KANK3: variants seen among roughly 807,000 people sequenced by gnomAD.
The protein encoded by KANK3 is KN motif and ankyrin repeat domains 3, also known as KN motif and ankyrin repeat domain-containing protein 3.
KANK3 carries 61 observed loss-of-function variants against 65.4 expected under a neutral mutation model. The ratio of observed to expected loss-of-function variants is 0.93; its 90% CI spans 0.76 to 1.15. The LOEUF is 1.15. KANK3 is among the 50% of genes most tolerant of loss of function. KANK3 has a pLI of 0.00. For synonymous variants in KANK3, 586 were observed against 543.3 expected, an observed-to-expected ratio of 1.08 and a Z score of -1.09; for missense variants, 1,187 against 1,178.8, an observed-to-expected ratio of 1.01 and a Z score of -0.10.
Position 8,333,726 on chromosome 19 carries a change from C to T in KANK3, c.1717G>A (p.Gly573Ser), listed in dbSNP as rs1242551531. ...LSRPRGVASD[G>S]GAVRLVAQEW... ...TGCTGCGCTCCCGGGGCACTCACGCCGTCGCTGGCTACTCCGCGGGGCCGG... is the reference window on the plus strand; with the variant it reads ...TGCTGCGCTCCCGGGGCACTCACGCTGTCGCTGGCTACTCCGCGGGGCCGG... The change falls in exon 6 of 11, where the codon GGC becomes AGC. Residue 573 changes from glycine to serine, a missense_variant and splice_region_variant. Transcript: ENST00000330915. The surrounding 1 kb of genome is among the most constrained non-coding windows in gnomAD (Gnocchi z 5.0). 11 of 1,454,684 alleles carry T rather than the reference C, an allele frequency of 7.6e-6. No homozygotes were observed. The highest frequency in any genetic ancestry group is 9.1e-7 in the Non-Finnish European group (1 of 1,101,272). The allele number at this position is 1,454,684 out of a possible 1,614,324, so 90.1% of individuals were successfully genotyped here.
At chr19:8,329,722 G>A (rs1970492894) in intron 7 of KANK3, among the ~76,000 whole-genome samples, 1 of 152,138 alleles carries the variant, frequency 6.6e-6, no homozygotes, top group South Asian at 2.1e-4. Context: ...GGCACCTGCA[G>A]ACCAGATTCC....
At position 8,333,249 on chromosome 19, in the gene KANK3, A is replaced by G. The variant is rs200901477; in HGVS notation, c.1720-19T>C. On this transcript the variant is annotated intron_variant, in intron 6 of 10. Coordinates refer to ENST00000330915, the MANE Select transcript of KANK3 (RefSeq NM_198471.3). This position sits in a 1 kb window ranked among gnomAD's most constrained non-coding sequence, Gnocchi z 5.0. ...CTGCGCCCTGCAAGGGACAGGGGCC[A>G]AGATAACATCGGCGATGGTCCACGG... is the stretch of plus-strand genomic sequence containing the variant. 438 of 1,590,330 alleles carry G rather than the reference A, an allele frequency of 2.8e-4. 2 individuals carry two copies. In the East Asian group the frequency reaches 9.7e-3, roughly 35 times the overall value.
chr19:8,324,753 AG>A lies in KANK3; in HGVS notation c.2159del (p.Ala720ValfsTer3). 1 of 1,614,052 alleles carries A rather than the reference AG, an allele frequency of 6.2e-7. No individual in the cohort carries two copies. Among genetic ancestry groups the A allele is most frequent in the South Asian group, 1.1e-5 (1 of 91,090 alleles). On this transcript the variant is annotated frameshift_variant, in exon 9 of 11. Transcript: ENST00000330915. LOFTEE classifies it high-confidence loss of function. ...CATCCGCATCCTGCGCATTCACATCAGCCCCACACGCCAGTAGGGTTGCCAC... is the reference window on the plus strand; with the variant it reads ...CATCCGCATCCTGCGCATTCACATCACCCCACACGCCAGTAGGGTTGCCAC... ...DMVATLLACG[A>X]DVNAQDADGA...
intron 2 of KANK3, among the ~76,000 whole-genome samples, chr19:8,336,973 G>C (rs893453461): frequency 6.6e-6 from 1 of 152,018 alleles, no homozygotes; most frequent in Non-Finnish European, 1.5e-5. Flanking sequence ...AGGGCTACCT[G>C]GGGTGGCAGG....
chr19:8,333,331 G>T lies in KANK3; in HGVS notation c.1720-101C>A. On this transcript the variant is annotated intron_variant, in intron 6 of 10. Coordinates refer to ENST00000330915, the MANE Select transcript of KANK3 (RefSeq NM_198471.3). This position sits in a 1 kb window ranked among gnomAD's most constrained non-coding sequence, Gnocchi z 5.0. ...GGGACTGGGAAGAGACCCATTTGGCGTTTCCAGGCAAGTAAGGAAGGTCAC... is the reference window on the plus strand; with the variant it reads ...GGGACTGGGAAGAGACCCATTTGGCTTTTCCAGGCAAGTAAGGAAGGTCAC... 1 of 976,996 alleles carries T rather than the reference G, an allele frequency of 1.0e-6. No individual in the cohort carries two copies. The highest frequency in any genetic ancestry group is 1.5e-6 in the Non-Finnish European group (1 of 669,686). The allele number at this position is 976,996 out of a possible 1,614,324, so 60.5% of individuals were successfully genotyped here.
chr19:8,333,779 G>A lies in KANK3; in HGVS notation c.1664C>T (p.Ala555Val). 3 of 1,516,224 alleles carry A rather than the reference G, an allele frequency of 2.0e-6. No individual in the cohort carries two copies. The highest frequency in any genetic ancestry group is 1.8e-6 in the Non-Finnish European group (2 of 1,128,884). The allele number at this position is 1,516,224 out of a possible 1,614,324, so 93.9% of individuals were successfully genotyped here. A position where few individuals can be genotyped will look rare whatever the true frequency, so the allele number is the denominator to read the frequency against. Residue 555 changes from alanine (A) to valine (V), a missense_variant, in exon 6 of 11, where the codon GCG becomes GTG. Ala to Val is a moderately conservative substitution (Grantham distance 64). This residue lies in a region of KANK3 where 1,078 missense variants were observed against 1,038.2 expected (regional missense o/e 1.04). Transcript: ENST00000330915. This position sits in a 1 kb window ranked among gnomAD's most constrained non-coding sequence, Gnocchi z 5.0. The stretch of plus-strand genomic sequence containing the variant: ...CAGCTGCCGCTGCAGCGCTACGCAC[G>A]CCTCCCTCAGACGCGGGCTCAGCTC... Reference protein sequence around the residue: ...RCELSPRLREACVALQRQLSR... With the variant: ...RCELSPRLREVCVALQRQLSR...
Position 8,334,559 on chromosome 19 carries a change from G to C in KANK3, c.1268C>G (p.Ser423Cys), listed in dbSNP as rs771728143. 2.5e-6 allele frequency: 4 copies of C among 1,600,062 alleles called. No individual in the cohort carries two copies. In the African/African-American group the frequency reaches 5.3e-5, roughly 21 times the overall value. The part of the protein sequence containing the change: ...AQTESPAEAP[S>C]LTQESSPGSM... Reference sequence around the variant, plus strand: ...TCCGGGCGAGCTCTCCTGAGTCAAGGAGGGCGCCTCTGCCGGGGACTCGGT... The same window carrying C: ...TCCGGGCGAGCTCTCCTGAGTCAAGCAGGGCGCCTCTGCCGGGGACTCGGT... The change falls in exon 3 of 11, where the codon TCC becomes TGC. Residue 423 changes from serine to cysteine, a missense_variant. Physicochemically the swap from Ser to Cys is moderately radical, Grantham distance 112. Transcript: ENST00000330915.
chr19:8,334,966 G>A lies in KANK3; in HGVS notation c.861C>T (p.Leu287=). 3 of 1,493,736 alleles carry A rather than the reference G, an allele frequency of 2.0e-6. No individual in the cohort carries two copies. Among genetic ancestry groups the A allele is most frequent in the Non-Finnish European group, 2.7e-6 (3 of 1,131,732 alleles). 92.5% of individuals were successfully genotyped at this position (1,493,736 alleles called of 1,614,324 possible). Residue 287 remains leucine, a synonymous_variant, in exon 3 of 11, where the codon CTC becomes CTT. Coordinates refer to ENST00000330915, the MANE Select transcript of KANK3 (RefSeq NM_198471.3). ...CATCGAGACTCCCGACCTCCCCGTC[G>A]AGGACCTGGAGCGCGCCCTCGCTGC... ...AGRSEGALQV[L]DGEVGSLDGT...
chr19:8,325,642 T>C (rs1036363131), intron 7 of KANK3, among the ~76,000 whole-genome samples: 44 of 152,160 alleles, frequency 2.9e-4, no homozygotes, highest in African/African-American at 8.0e-4. Context: ...TATCCCTCAG[T>C]ACTTAGAACA....
Position 8,334,821 on chromosome 19 carries a change from C to T in KANK3, c.1006G>A (p.Ala336Thr), listed in dbSNP as rs1218331224. 1 of 1,491,348 alleles carries T rather than the reference C, an allele frequency of 6.7e-7. No individual in the cohort carries two copies. Among genetic ancestry groups the T allele is most frequent in the Non-Finnish European group, 8.9e-7 (1 of 1,129,200 alleles). The allele number at this position is 1,491,348 out of a possible 1,614,324, so 92.4% of individuals were successfully genotyped here. The change falls in exon 3 of 11, where the codon GCG becomes ACG. Residue 336 changes from alanine to threonine, a missense_variant. Around this residue, in one of 3 missense-constraint regions of KANK3, gnomAD observed 1,078 missense variants for 1,038.2 expected, o/e 1.04. Transcript: ENST00000330915. ...GVEAAPETVE[A>T]DAWVTEALLG... ...AGCGCCTCGGTCACCCACGCGTCCG[C>T]CTCCACGGTCTCGGGGGCAGCCTCC...
At position 8,324,479 on chromosome 19, in the gene KANK3, G is replaced by A. The variant is rs1400356339; in HGVS notation, c.2352C>T (p.Ala784=). The A allele has an allele frequency of 1.2e-6, 2 of 1,611,030 alleles. No homozygotes were observed. The highest frequency in any genetic ancestry group is 8.5e-7 in the Non-Finnish European group (1 of 1,178,706). Residue 784 remains alanine, a synonymous_variant, in exon 10 of 11, where the codon GCC becomes GCT. Coordinates refer to ENST00000330915, the MANE Select transcript of KANK3 (RefSeq NM_198471.3). The part of the protein sequence containing the change: ...EQDEVAALLH[A]HLSSGQPDTQ... ...TGTCGGGCTGGCCCGAGCTCAGGTGGGCATGTAGCAGAGCGGCCACCTCAT... is the reference window on the plus strand; with the variant it reads ...TGTCGGGCTGGCCCGAGCTCAGGTGAGCATGTAGCAGAGCGGCCACCTCAT...
intron 7 of KANK3, among the ~76,000 whole-genome samples, chr19:8,327,631 C>T (rs187638296): frequency 5.3e-5 from 8 of 151,806 alleles, no homozygotes; most frequent in East Asian, 1.9e-4. Context: ...CTCTGCTCCC[C>T]GCCAAAAAAA....
At chr19:8,342,621 A>G (rs1416907900) in intron 1 of KANK3, among the ~76,000 whole-genome samples, 2 of 141,514 alleles carry the variant, frequency 1.4e-5, no homozygotes, top group East Asian at 4.8e-4. Flanking sequence ...GGCGCCTTCC[A>G]GGAGGCCCTG....
At chr19:8,330,349 C>T (rs996391723) in intron 7 of KANK3, among the ~76,000 whole-genome samples, 1 of 152,148 alleles carries the variant, frequency 6.6e-6, no homozygotes, top group South Asian at 2.1e-4. Context: ...AATACCAGCA[C>T]TTTAGGAGGC....
At chr19:8,343,176 C>T (rs1307791797) in intron 1 of KANK3, 49 bp downstream of exon 1, 2 of 152,348 alleles carry the variant, frequency 1.3e-5, no homozygotes, top group Non-Finnish European at 2.9e-5. Flanking sequence ...TCCCCGAATC[C>T]ACCCACCCAG....
intron 7 of KANK3, among the ~76,000 whole-genome samples, chr19:8,327,127 C>T (rs191249559): frequency 3.3e-5 from 5 of 152,028 alleles, no homozygotes; most frequent in African/African-American, 4.8e-5. Flanking sequence ...GGAGCGGGGT[C>T]GGGGTCATGA....
chr19:8,330,495 G>A (rs1568573022), intron 7 of KANK3, among the ~76,000 whole-genome samples: 1 of 152,178 alleles, frequency 6.6e-6, no homozygotes, highest in East Asian at 1.9e-4. Flanking sequence ...TTGGGAGGCT[G>A]AGGCAGGCGG....
Position 8,334,937 on chromosome 19 carries a change from G to T in KANK3, c.890C>A (p.Thr297Lys), listed in dbSNP as rs1445334214. ...GGCGGCCACCTCCCGGGTCTGGGGC[G>T]TCCCATCGAGACTCCCGACCTCCCC... ...LDGEVGSLDGTPQTREVAAEA... is the reference protein window; with the variant it reads ...LDGEVGSLDGKPQTREVAAEA... Residue 297 changes from threonine (T) to lysine (K), a missense_variant, in exon 3 of 11, where the codon ACG becomes AAG. Physicochemically the swap from Thr to Lys is moderately conservative, Grantham distance 78 (BLOSUM62 -1). Coordinates refer to ENST00000330915, the MANE Select transcript of KANK3 (RefSeq NM_198471.3). 6 of 1,483,178 alleles carry T rather than the reference G, an allele frequency of 4.0e-6. No homozygotes were observed. The highest frequency in any genetic ancestry group is 5.7e-5 in the East Asian group (2 of 34,808). The allele number at this position is 1,483,178 out of a possible 1,614,324, so 91.9% of individuals were successfully genotyped here.
At chr19:8,328,483 A>G (rs988248752) in intron 7 of KANK3, among the ~76,000 whole-genome samples, 1 of 151,646 alleles carries the variant, frequency 6.6e-6, no homozygotes, top group African/African-American at 2.4e-5. Context: ...CATTTATTCA[A>G]CACTTGACGG....
Sources: gnomAD v4.1 joint callset for allele counts (sites outside exome capture counted in the v4.1 genomes callset) on GRCh38, gnomAD v4.1.1 for gene constraint, gnomAD v4.1.1 regional missense constraint, Gnocchi (gnomAD v3.1) non-coding constraint, MANE v1.5 for transcripts, NCBI Gene and HGNC (gene_info 2026-07-23, HGNC 2026-07-21) for gene names.